Variants in UBE2D2 observed in about 807,000 individuals in gnomAD.
UBE2D2 encodes ubiquitin conjugating enzyme E2 D2, also known as ubiquitin-conjugating enzyme E2 D2.
Under a neutral mutation model 24.2 loss-of-function variants are expected in UBE2D2, and 2 were observed. The ratio of observed to expected loss-of-function variants is 0.08; its 90% CI spans 0.03 to 0.26. The LOEUF (loss-of-function observed/expected upper bound fraction) is 0.26. Ranked by LOEUF, UBE2D2 falls within the 10% of genes least tolerant of loss-of-function variation. The probability of loss-of-function intolerance (pLI) is 1.00; values close to 1 mark genes in which losing one functional copy is unlikely to be tolerated. For synonymous variants in UBE2D2, 58 were observed against 56.5 expected, an observed-to-expected ratio of 1.03 and a Z score of -0.12; for missense variants, 44 against 177.6, an observed-to-expected ratio of 0.25 and a Z score of 4.28.
chr5:139,600,114 T>C (rs575580726), intron 1 of UBE2D2: 8 of 504,470 alleles, frequency 1.6e-5, no homozygotes, highest in South Asian at 1.1e-4. Context: ...ACATGACACA[T>C]GTTTTACCTT....
chr5:139,597,077 C>T (rs1003606931), intron 1 of UBE2D2, among the ~76,000 whole-genome samples: 1 of 151,664 alleles, frequency 6.6e-6, no homozygotes, highest in Non-Finnish European at 1.5e-5. Context: ...AAATAATAAA[C>T]AACTTTGAGA....
chr5:139,546,848 TC>T, intron 1 of UBE2D2, among the ~76,000 whole-genome samples: 1 of 149,618 alleles, frequency 6.7e-6, no homozygotes, highest in African/African-American at 2.5e-5. Flanking sequence ...CTTCCTTCCT[TC>T]CTTCCTTCCT....
intron 1 of UBE2D2, among the ~76,000 whole-genome samples, chr5:139,537,209 T>C (rs957274135): frequency 6.6e-6 from 1 of 151,090 alleles, no homozygotes; most frequent in Non-Finnish European, 1.5e-5. Flanking sequence ...CAACAAAAAG[T>C]AATATACCCT....
At chr5:139,616,889 G>A (rs932746739) in intron 5 of UBE2D2, among the ~76,000 whole-genome samples, 4 of 152,148 alleles carry the variant, frequency 2.6e-5, no homozygotes, top group Non-Finnish European at 5.9e-5. Context: ...ATTTAAAAGA[G>A]TATTGACCCT....
At chr5:139,545,292 T>TC (rs759453952) in intron 1 of UBE2D2, among the ~76,000 whole-genome samples, 1 of 152,144 alleles carries the variant, frequency 6.6e-6, no homozygotes, top group Non-Finnish European at 1.5e-5. Context: ...GGACTTGAAT[T>TC]CCTGGACTCA....
chr5:139,567,326 C>T (rs1753249478), intron 1 of UBE2D2, among the ~76,000 whole-genome samples: 1 of 151,992 alleles, frequency 6.6e-6, no homozygotes, highest in South Asian at 2.1e-4. Flanking sequence ...TCTCGAACTC[C>T]TGACCTTGTG....
chr5:139,578,284 C>T (rs1753523472), intron 1 of UBE2D2, among the ~76,000 whole-genome samples: 1 of 152,208 alleles, frequency 6.6e-6, no homozygotes, highest in Non-Finnish European at 1.5e-5. Flanking sequence ...ACTATGTATA[C>T]TTCCTAATAC....
chr5:139,548,627 G>A (rs763949071), intron 1 of UBE2D2, among the ~76,000 whole-genome samples: 5 of 151,932 alleles, frequency 3.3e-5, no homozygotes, highest in South Asian at 2.1e-4. Context: ...CATCATTATC[G>A]TCATTATCAA....
chr5:139,538,808 G>A (rs1363409840), intron 1 of UBE2D2, among the ~76,000 whole-genome samples: 1 of 151,582 alleles, frequency 6.6e-6, no homozygotes, highest in East Asian at 1.9e-4. Flanking sequence ...AGGAGGCGGA[G>A]GTTGCGGTGA....
rs182513013 is a variant in UBE2D2, at chr5:139,545,497, G to T, written c.-64+18885G>T. On this transcript the variant is annotated intron_variant, in intron 1 of 6. Transcript: ENST00000511725. ...GCTGGAGCACAATGGCATGATCTAGGCTCACTGCAACTTCCGCCTCCCGGG... is the reference window on the plus strand; with the variant it reads ...GCTGGAGCACAATGGCATGATCTAGTCTCACTGCAACTTCCGCCTCCCGGG... Among the ~76,000 whole-genome samples the T allele has an allele frequency of 3.5e-3, 530 of 151,100 alleles. 5 individuals are homozygous for T. The highest frequency in any genetic ancestry group is 0.011 in the African/African-American group (443 of 41,146).
Position 139,628,000 on chromosome 5 carries a change from T to C in UBE2D2, c.*1199T>C, listed in dbSNP as rs1754666618. On this transcript the variant is annotated 3_prime_UTR_variant, in exon 7 of 7. Coordinates refer to ENST00000398733, the MANE Select transcript of UBE2D2 (RefSeq NM_003339.3). Reference sequence around the variant, plus strand: ...TCATCAAAACCTTGTGACATTCCCTTGGTACATAGGACATAAAACACAGAG... The same window carrying C: ...TCATCAAAACCTTGTGACATTCCCTCGGTACATAGGACATAAAACACAGAG... 1 of 152,664 alleles carries C rather than the reference T, an allele frequency of 6.6e-6. No homozygotes were observed. Among genetic ancestry groups the C allele is most frequent in the Non-Finnish European group, 1.5e-5 (1 of 68,048 alleles). 9.5% of individuals were successfully genotyped at this position (152,664 alleles called of 1,614,324 possible).
intron 5 of UBE2D2, among the ~76,000 whole-genome samples, chr5:139,620,096 G>A (rs917274241): frequency 1.3e-5 from 2 of 152,110 alleles, no homozygotes; most frequent in African/African-American, 2.4e-5. Flanking sequence ...CAAAGGGGTC[G>A]TGCTAAACCA....
intron 5 of UBE2D2, among the ~76,000 whole-genome samples, chr5:139,621,293 A>G (rs1311110184): frequency 6.6e-6 from 1 of 152,200 alleles, no homozygotes; most frequent in Non-Finnish European, 1.5e-5. Flanking sequence ...TAAGTTAATG[A>G]CAGATTTGAA....
intron 2 of UBE2D2, among the ~76,000 whole-genome samples, chr5:139,610,039 G>T (rs1754280191): frequency 6.6e-6 from 1 of 151,934 alleles, no homozygotes; most frequent in Non-Finnish European, 1.5e-5. Flanking sequence ...CCAAAGTGCT[G>T]GGATTACAGG....
chr5:139,565,375 T>C (rs1753194367), intron 1 of UBE2D2, among the ~76,000 whole-genome samples: 1 of 152,242 alleles, frequency 6.6e-6, no homozygotes, highest in African/African-American at 2.4e-5. Flanking sequence ...AGGGTCATTA[T>C]GAACATTGTG....
chr5:139,583,060 C>T (rs536259179), intron 1 of UBE2D2, among the ~76,000 whole-genome samples: 186 of 151,898 alleles, frequency 1.2e-3, no homozygotes, highest in African/African-American at 3.9e-3. Flanking sequence ...CTCCATCTTC[C>T]GCCTCTTGGG....
intron 1 of UBE2D2, among the ~76,000 whole-genome samples, chr5:139,575,089 C>A (rs1449216713): frequency 6.6e-6 from 1 of 152,142 alleles, no homozygotes. Flanking sequence ...AGTGAAACAA[C>A]CCTGCCACTT....
chr5:139,608,868 T>C (rs1754252886), intron 2 of UBE2D2, among the ~76,000 whole-genome samples: 1 of 152,174 alleles, frequency 6.6e-6, no homozygotes, highest in Non-Finnish European at 1.5e-5. Context: ...GTGGATCACC[T>C]GAAGTCAGGA....
rs536731903 is a variant in UBE2D2, at chr5:139,582,311, G to A, written c.25-18061G>A. 5.3e-5 allele frequency among the ~76,000 whole-genome samples: 8 copies of A among 151,382 alleles called. No individual in the cohort carries two copies. In the South Asian group the frequency reaches 8.4e-4, roughly 16 times the overall value. ...GGAGTTTTGCTCTGTTGCCCAGGCC[G>A]GAGTGCAGTGGTATGATCTTAGCTC... On this transcript the variant is annotated intron_variant, in intron 1 of 6. Coordinates refer to ENST00000398733, the MANE Select transcript of UBE2D2 (RefSeq NM_003339.3).
Sources: gnomAD v4.1 joint callset for allele counts (sites outside exome capture counted in the v4.1 genomes callset) on GRCh38, gnomAD v4.1.1 for gene constraint, MANE v1.5 for transcripts, NCBI Gene and HGNC (gene_info 2026-07-23, HGNC 2026-07-21) for gene names.